LIAS: variants seen among roughly 807,000 people sequenced by gnomAD.
LIAS encodes the protein lipoic acid synthetase.
Under a neutral mutation model 49.4 loss-of-function variants are expected in LIAS, and 36 were observed. The observed-to-expected ratio is 0.73, with a 90% CI of 0.56 to 0.96. The LOEUF (loss-of-function observed/expected upper bound fraction) is 0.96. LIAS is among the 40% of genes least tolerant of loss of function. The probability of loss-of-function intolerance (pLI) is 0.00; values close to 1 mark genes in which losing one functional copy is unlikely to be tolerated. For synonymous variants in LIAS, 145 were observed against 155.8 expected, an observed-to-expected ratio of 0.93 and a Z score of 0.52; for missense variants, 399 against 456.3, an observed-to-expected ratio of 0.87 and a Z score of 1.14.
At chr4:39,470,467 T>C (rs1416465107) in intron 8 of LIAS, 2 of 253,188 alleles carry the variant, frequency 7.9e-6, no homozygotes, top group Non-Finnish European at 1.6e-5. Context: ...TCATCCACTT[T>C]TCTCATTCTA....
At chr4:39,461,439 TAC>T (rs1351173869) in intron 2 of LIAS, among the ~76,000 whole-genome samples, 1 of 152,248 alleles carries the variant, frequency 6.6e-6, no homozygotes, top group Non-Finnish European at 1.5e-5. Context: ...GAACCAAGGA[TAC>T]ACAGTCTCCA....
At chr4:39,476,957 A>C (rs1395592040) in intron 10 of LIAS, 106 bp from the exon 11 acceptor site, 2 of 722,764 alleles carry the variant, frequency 2.8e-6, no homozygotes, top group Non-Finnish European at 4.5e-6. Context: ...AATAAATACA[A>C]AAGTCTTCTT....
Position 39,470,157 on chromosome 4 carries a change from A to G in LIAS, c.876A>G (p.Thr292=). The G allele has an allele frequency of 6.2e-7, 1 of 1,608,592 alleles. No homozygotes were observed. Among genetic ancestry groups the G allele is most frequent in the African/African-American group, 1.3e-5 (1 of 74,912 alleles). ...LGENDEQVYA[T]MKALREADVD... Reference sequence around the variant, plus strand: ...AGAATGATGAGCAAGTATATGCAACAATGAAAGGTAAAGAAATTGAAAAAT... The same window carrying G: ...AGAATGATGAGCAAGTATATGCAACGATGAAAGGTAAAGAAATTGAAAAAT... Residue 292 remains threonine (T), a synonymous_variant, in exon 8 of 11, where the codon ACA becomes ACG. Coordinates refer to ENST00000640888, the MANE Select transcript of LIAS (RefSeq NM_006859.4).
rs555081920 is a variant in LIAS, at chr4:39,477,266, C to T, written c.*151C>T. 8.2e-6 allele frequency: 5 copies of T among 610,482 alleles called. No homozygotes were observed. Among genetic ancestry groups the T allele is most frequent in the South Asian group, 1.9e-5 (1 of 53,906 alleles). The allele number at this position is 610,482 out of a possible 1,614,324, so 37.8% of individuals were successfully genotyped here. A position where few individuals can be genotyped will look rare whatever the true frequency, so the allele number is the denominator to read the frequency against. ...GTCAATAGCCAGGCATAGTGGCTCA[C>T]GCCTGTAATCCCAGCACTTTAGGAG... On this transcript the variant is annotated 3_prime_UTR_variant, in exon 11 of 11. Transcript: ENST00000640888.
At chr4:39,467,447 T>C in intron 6 of LIAS, 71 bp from the exon 7 acceptor site, 1 of 1,429,574 alleles carries the variant, frequency 7.0e-7, no homozygotes, top group Non-Finnish European at 9.4e-7. Context: ...CGATTACTGA[T>C]AATTTCTATT....
At chr4:39,460,483 A>G (rs940994255) in intron 1 of LIAS, among the ~76,000 whole-genome samples, 14 of 151,206 alleles carry the variant, frequency 9.3e-5, no homozygotes, top group African/African-American at 2.2e-4. Flanking sequence ...GCGGTGAGCC[A>G]AGATTGCGCC....
intron 7 of LIAS, chr4:39,469,635 A>G (rs1744902261): frequency 6.2e-6 from 1 of 162,250 alleles, no homozygotes; most frequent in Non-Finnish European, 1.3e-5. Flanking sequence ...TCTTCAGAAA[A>G]GAAATGAACT....
At chr4:39,464,531 C>CT (rs1025771049) in intron 4 of LIAS, among the ~76,000 whole-genome samples, 3 of 152,100 alleles carry the variant, frequency 2.0e-5, no homozygotes, top group Non-Finnish European at 2.9e-5. Flanking sequence ...GGGTCTCACT[C>CT]TGTCACCCAG....
At chr4:39,463,253 CTT>C (rs1379869987) in intron 3 of LIAS, among the ~76,000 whole-genome samples, 1 of 152,034 alleles carries the variant, frequency 6.6e-6, no homozygotes, top group Non-Finnish European at 1.5e-5. Context: ...GCCTGACTAA[CTT>C]TGATTTTTTG....
chr4:39,475,650 GCC>G (rs1170499124), intron 10 of LIAS: 1 of 152,394 alleles, frequency 6.6e-6, no homozygotes, highest in African/African-American at 2.4e-5. Flanking sequence ...GATCACTTGA[GCC>G]CAGGAGTTCA....
intron 2 of LIAS, among the ~76,000 whole-genome samples, chr4:39,461,891 CACCA>C (rs1274916357): frequency 6.6e-6 from 1 of 152,108 alleles, no homozygotes. Context: ...GACAGGGCTT[CACCA>C]TATTGGCCAA....
intron 7 of LIAS, chr4:39,468,502 A>AAATATATAT (rs140159831): frequency 1.6e-5 from 2 of 125,186 alleles, no homozygotes; most frequent in African/African-American, 3.0e-5. Context: ...GGAAAAAAAA[A>AAATATATAT]ATATATATAT....
Position 39,463,538 on chromosome 4 carries a change from C to T in LIAS, c.326C>T (p.Ala109Val). Residue 109 changes from alanine (A) to valine (V), a missense_variant, in exon 4 of 11, where the codon GCT becomes GTT. This residue lies in a region of LIAS where 159 missense variants were observed against 147.6 expected (regional missense o/e 1.08). Transcript: ENST00000640888. ...NLNLHTVCEE[A>V]RCPNIGECWG... is the part of the protein sequence containing the mutation. ...TTTTGCATACAGGTATGTGAGGAAG[C>T]TCGATGTCCCAATATTGGAGAGTGT... 6.2e-7 allele frequency: 1 copy of T among 1,607,882 alleles called. No homozygotes were observed. The highest frequency in any genetic ancestry group is 2.2e-5 in the East Asian group (1 of 44,646).
chr4:39,462,401 G>A lies in LIAS; in HGVS notation c.312+112G>A, dbSNP rs1744552251. On this transcript the variant is annotated intron_variant, in intron 3 of 10. Coordinates refer to ENST00000640888, the MANE Select transcript of LIAS (RefSeq NM_006859.4). ...AAATAATAGCAAAGAAAGTAAATAT[G>A]TTAAGTGATACATTACTACCAGGAA... is the stretch of plus-strand genomic sequence containing the variant. 2.0e-5 allele frequency: 7 copies of A among 356,950 alleles called. No homozygotes were observed. The Admixed American group carries it at 3.3e-4, about 17-fold the overall frequency. 22.1% of individuals were successfully genotyped at this position (356,950 alleles called of 1,614,324 possible).
At chr4:39,461,127 T>C (rs1251881357) in intron 2 of LIAS, among the ~76,000 whole-genome samples, 165 bp downstream of exon 2, 4 of 152,244 alleles carry the variant, frequency 2.6e-5, no homozygotes, top group Non-Finnish European at 5.9e-5. Context: ...AGTAAGCAGA[T>C]GAAATTTTTG....
chr4:39,463,541 G>A lies in LIAS; in HGVS notation c.329G>A (p.Arg110Gln), dbSNP rs773238728. ...TGCATACAGGTATGTGAGGAAGCTC[G>A]ATGTCCCAATATTGGAGAGTGTTGG... ...LNLHTVCEEA[R>Q]CPNIGECWGG... The change falls in exon 4 of 11, where the codon CGA (arginine) becomes CAA (glutamine). Residue 110 changes from arginine (R) to glutamine (Q), a missense_variant. Around this residue, in one of 3 missense-constraint regions of LIAS, gnomAD observed 159 missense variants for 147.6 expected, o/e 1.08. Transcript: ENST00000640888. The A allele has an allele frequency of 3.0e-5, 49 of 1,608,270 alleles. No homozygotes were observed. The highest frequency in any genetic ancestry group is 4.0e-5 in the Non-Finnish European group (47 of 1,176,688).
chr4:39,470,170 G>A lies in LIAS; in HGVS notation c.883+6G>A, dbSNP rs934916861. 1 of 1,604,284 alleles carries A rather than the reference G, an allele frequency of 6.2e-7. No homozygotes were observed. The highest frequency in any genetic ancestry group is 8.5e-7 in the Non-Finnish European group (1 of 1,173,812). On this transcript the variant is annotated splice_donor_region_variant and intron_variant, in intron 8 of 10. Coordinates refer to ENST00000640888, the MANE Select transcript of LIAS (RefSeq NM_006859.4). ...AGTATATGCAACAATGAAAGGTAAA[G>A]AAATTGAAAAATGAAAAATCTTTCC...
chr4:39,469,936 C>T, intron 7 of LIAS, 83 bp from the exon 8 acceptor site: 1 of 1,266,082 alleles, frequency 7.9e-7, no homozygotes, highest in Middle Eastern at 1.9e-4. Context: ...GAATGTACTT[C>T]TCTGGTCTTT....
intron 6 of LIAS, among the ~76,000 whole-genome samples, chr4:39,465,600 A>G (rs1424081438): frequency 6.6e-6 from 1 of 152,162 alleles, no homozygotes; most frequent in Non-Finnish European, 1.5e-5. Flanking sequence ...CCTCCCTCAT[A>G]TTAGAGCATT....
Sources: allele counts gnomAD v4.1 joint callset (sites outside exome capture counted in the v4.1 genomes callset), GRCh38; gene constraint gnomAD v4.1.1; regional missense constraint gnomAD v4.1.1; transcripts MANE v1.5; gene names NCBI Gene and HGNC (gene_info 2026-07-23, HGNC 2026-07-21).